The following AGBL4 variants were observed in gnomAD, a reference collection of about 807,000 sequenced individuals.
AGBL4 encodes AGBL carboxypeptidase 4.
Under a neutral mutation model 66.4 loss-of-function variants are expected in AGBL4, and 58 were observed. The observed-to-expected ratio is 0.87, with a 90% CI of 0.71 to 1.09. AGBL4 has a LOEUF of 1.09. Among genes scored for constraint, AGBL4 ranks in the 50% least tolerant of loss-of-function variants. AGBL4 has a pLI of 0.00. For missense variants in AGBL4, 579 were observed against 631.0 expected, an observed-to-expected ratio of 0.92 and a Z score of 0.88; for synonymous variants, 234 against 222.9, an observed-to-expected ratio of 1.05 and a Z score of -0.44.
At chr1:49,201,996 T>C (rs774513279) in intron 4 of AGBL4, among the ~76,000 whole-genome samples, 4 of 152,026 alleles carry the variant, frequency 2.6e-5, no homozygotes, top group Non-Finnish European at 4.4e-5. Flanking sequence ...GAATTCATTA[T>C]AGTAACAACC....
chr1:48,816,244 T>C (rs12040213), intron 6 of AGBL4, among the ~76,000 whole-genome samples: 1 of 152,198 alleles, frequency 6.6e-6, no homozygotes, highest in East Asian at 1.9e-4. Context: ...GGGGAGAAGG[T>C]TGTATACAAG....
At chr1:49,847,525 T>G (rs1484150802) in intron 2 of AGBL4, among the ~76,000 whole-genome samples, 2 of 152,114 alleles carry the variant, frequency 1.3e-5, no homozygotes, top group Non-Finnish European at 2.9e-5. Flanking sequence ...GACAGGGGAC[T>G]AATATCCAAA....
chr1:49,680,571 C>A (rs1425637687), intron 3 of AGBL4, among the ~76,000 whole-genome samples: 2 of 152,024 alleles, frequency 1.3e-5, no homozygotes, highest in African/African-American at 2.4e-5. Context: ...TCCATGATCT[C>A]TTATTATAAA....
At chr1:49,481,867 C>A (rs1258855757) in intron 3 of AGBL4, among the ~76,000 whole-genome samples, 1 of 151,516 alleles carries the variant, frequency 6.6e-6, no homozygotes, top group Non-Finnish European at 1.5e-5. Context: ...GGCTTTTCTG[C>A]ATCTATTGAG....
At chr1:48,846,811 G>A (rs1486913096) in intron 6 of AGBL4, among the ~76,000 whole-genome samples, 3 of 152,072 alleles carry the variant, frequency 2.0e-5, no homozygotes, top group African/African-American at 4.8e-5. Context: ...GGCAGTCCAT[G>A]TGTCATGTAT....
intron 6 of AGBL4, among the ~76,000 whole-genome samples, chr1:48,695,716 G>A (rs563726284): frequency 1.3e-5 from 2 of 152,298 alleles, no homozygotes; most frequent in East Asian, 3.9e-4. Flanking sequence ...GGGACTCAGA[G>A]GAGGACAGCT....
intron 5 of AGBL4, among the ~76,000 whole-genome samples, chr1:48,979,086 C>G (rs971246988): frequency 5.3e-5 from 8 of 152,088 alleles, no homozygotes; most frequent in African/African-American, 1.9e-4. Flanking sequence ...ATGAATTCTC[C>G]TTTCCCTTGT....
At chr1:49,636,918 C>T (rs61783612) in intron 3 of AGBL4, among the ~76,000 whole-genome samples, 1,819 of 152,276 alleles carry the variant, frequency 0.012, 19 homozygotes, top group Non-Finnish European at 0.018. Flanking sequence ...AGGAGATTAA[C>T]ATTTGAGTCA....
intron 3 of AGBL4, among the ~76,000 whole-genome samples, chr1:49,356,284 G>A (rs1022139764): frequency 6.6e-6 from 1 of 152,136 alleles, no homozygotes; most frequent in Non-Finnish European, 1.5e-5. Flanking sequence ...TAAAAAGGAA[G>A]AGAACTTGCT....
At chr1:49,388,783 A>G (rs1365833176) in intron 3 of AGBL4, among the ~76,000 whole-genome samples, 2 of 152,130 alleles carry the variant, frequency 1.3e-5, no homozygotes, top group South Asian at 4.1e-4. Flanking sequence ...TGGGTTCCCT[A>G]CTAGTGAGTG....
At chr1:49,048,042 G>A (rs1644122776) in intron 4 of AGBL4, among the ~76,000 whole-genome samples, 1 of 152,064 alleles carries the variant, frequency 6.6e-6, no homozygotes, top group South Asian at 2.1e-4. Flanking sequence ...GAGTCCCAGG[G>A]TTCCCGATTT....
intron 1 of AGBL4, among the ~76,000 whole-genome samples, chr1:49,907,168 T>C (rs1180527070): frequency 6.6e-6 from 1 of 152,122 alleles, no homozygotes; most frequent in Non-Finnish European, 1.5e-5. Context: ...TACAAAAGGT[T>C]GTAATTCATT....
chr1:48,569,833 C>T (rs1014995909), intron 11 of AGBL4, among the ~76,000 whole-genome samples: 3 of 152,128 alleles, frequency 2.0e-5, no homozygotes, highest in East Asian at 1.9e-4. Flanking sequence ...GACCATAATG[C>T]CACTCTTTTG....
chr1:49,378,793 CT>C (rs2148568309), intron 3 of AGBL4, among the ~76,000 whole-genome samples: 1 of 152,204 alleles, frequency 6.6e-6, no homozygotes, highest in South Asian at 2.1e-4. Context: ...CACAAGTTGC[CT>C]GTTAGAAGTT....
rs114255633 is a variant in AGBL4, at chr1:48,696,972, C to T, written c.635-33731G>A. On this transcript the variant is annotated intron_variant, in intron 6 of 13. Transcript: ENST00000371839. The stretch of plus-strand genomic sequence containing the variant: ...GGTGTCCCTCACCTCACTCCCACAG[C>T]TTGTGTGCTCACCTTCTCCCCCTCT... Among the ~76,000 whole-genome samples the T allele has an allele frequency of 7.0e-4, 107 of 152,290 alleles. 1 individual carries two copies. Among genetic ancestry groups the T allele is most frequent in the African/African-American group, 2.5e-3 (104 of 41,556 alleles).
Position 48,643,866 on chromosome 1 carries a change from C to A in AGBL4, c.840-9262G>T, listed in dbSNP as rs114629859. ...AGGGTCTATTCTGGTCTTCTCTCTG[C>A]CACATGGTGTGCTTTCTAGGAGGCT... On this transcript the variant is annotated intron_variant, in intron 8 of 13. Coordinates refer to ENST00000371839, the MANE Select transcript of AGBL4 (RefSeq NM_032785.4). Among the ~76,000 whole-genome samples, 912 of 152,298 alleles carry A rather than the reference C, an allele frequency of 6.0e-3. 10 individuals are homozygous for A. Among genetic ancestry groups the A allele is most frequent in the African/African-American group, 0.019 (809 of 41,568 alleles).
intron 7 of AGBL4, among the ~76,000 whole-genome samples, chr1:48,656,452 C>T (rs766302907): frequency 1.1e-4 from 17 of 152,168 alleles, no homozygotes; most frequent in Non-Finnish European, 2.4e-4. Flanking sequence ...TTTCAAAATG[C>T]CTAAGATGGT....
chr1:49,746,759 G>C (rs1003885165), intron 2 of AGBL4, among the ~76,000 whole-genome samples: 2 of 151,942 alleles, frequency 1.3e-5, no homozygotes, highest in African/African-American at 4.8e-5. Flanking sequence ...CTTTGGACTA[G>C]AAACATACTT....
chr1:49,564,557 G>T (rs1644141582), intron 3 of AGBL4, among the ~76,000 whole-genome samples: 1 of 152,058 alleles, frequency 6.6e-6, no homozygotes, highest in Non-Finnish European at 1.5e-5. Flanking sequence ...CCTTCATTTT[G>T]TTATGTACCC....
Sources: allele counts gnomAD v4.1 joint callset (sites outside exome capture counted in the v4.1 genomes callset), GRCh38; gene constraint gnomAD v4.1.1; transcripts MANE v1.5; gene names NCBI Gene and HGNC (gene_info 2026-07-23, HGNC 2026-07-21).